Variants in LILRA4 observed in about 807,000 individuals in gnomAD.
The protein encoded by LILRA4 is leukocyte immunoglobulin-like receptor subfamily A member 4.
In LILRA4, 51 loss-of-function variants were observed where a neutral mutation model predicts 49.5. That is an observed-to-expected ratio of 1.03 (90% CI 0.82 to 1.30). LILRA4 has a LOEUF of 1.30. Ranked by LOEUF, LILRA4 falls within the 50% of genes most tolerant of loss-of-function variation. The probability of loss-of-function intolerance (pLI) is 0.00; values close to 1 mark genes in which losing one functional copy is unlikely to be tolerated. For missense variants in LILRA4, 624 were observed against 625.6 expected (o/e 1.00, Z 0.03); for synonymous variants, 272 against 265.6 (o/e 1.02, Z -0.23).
Position 54,336,699 on chromosome 19 carries a change from C to G in LILRA4, c.1255+142G>C. On this transcript the variant is annotated intron_variant, in intron 6 of 7. Transcript: ENST00000291759. ...GGCAGGGCCTGAGCTGAGAGAGGCT[C>G]AGGGCTCACAAAGGCCGGGGCTGAT... The G allele has an allele frequency of 2.3e-6, 3 of 1,293,328 alleles. No individual in the cohort carries two copies. The South Asian group carries it at 4.5e-5, about 19-fold the overall frequency. The allele number at this position is 1,293,328 out of a possible 1,614,324, so 80.1% of individuals were successfully genotyped here.
chr19:54,337,854 C>T (rs535224126), intron 4 of LILRA4, 82 bp downstream of exon 4: 32 of 1,484,748 alleles, frequency 2.2e-5, no homozygotes, highest in African/African-American at 1.4e-4. Flanking sequence ...TTTCTTCTTG[C>T]GTGGGCTAGC....
intron 5 of LILRA4, 121 bp downstream of exon 5, chr19:54,337,279 C>A: frequency 1.1e-5 from 15 of 1,425,326 alleles, no homozygotes; most frequent in Non-Finnish European, 1.4e-5. Context: ...TCCCCTGTCT[C>A]TGTCTGTCTC....
intron 6 of LILRA4, chr19:54,335,225 G>C (rs558966956): frequency 6.6e-6 from 1 of 152,248 alleles, no homozygotes; most frequent in African/African-American, 2.4e-5. Flanking sequence ...TGTTGGAGGA[G>C]AGGCCCAGTG....
In LILRA4 at chr19:54,338,196, AC is replaced by A; in HGVS notation, c.394del (p.Val132TrpfsTer2). On this transcript the variant is annotated frameshift_variant, in exon 4 of 8. Transcript: ENST00000291759. LOFTEE classifies it high-confidence loss of function. ...GGTCACGTTCACTCCTGAGGTCACC[AC>A]AGGGCTTGGCAGTGCGGACAGGGTG... Reference protein sequence around the residue: ...RPTLSALPSPVVTSGVNVTLR... With the variant: ...RPTLSALPSPXVTSGVNVTLR... 1 of 1,613,812 alleles carries A rather than the reference AC, an allele frequency of 6.2e-7. No individual in the cohort carries two copies.
rs750605218 is a variant in LILRA4 at position 54,336,906 on chromosome 19, C to T, written c.1190G>A (p.Gly397Asp). 1.9e-6 allele frequency: 3 copies of T among 1,614,232 alleles called. No individual in the cohort carries two copies. Among genetic ancestry groups the T allele is most frequent in the Non-Finnish European group, 2.5e-6 (3 of 1,180,038 alleles). The change falls in exon 6 of 8, where the codon GGC becomes GAC. Residue 397 changes from glycine (G) to aspartate (D), a missense_variant. By Grantham distance (94) the Gly-to-Asp change is moderately conservative (BLOSUM62 -1). Transcript: ENST00000291759. ...CAGGTAGGGGTTGGAGCTGCGTGAG[C>T]CGTAGCACCTGTAGGTCCCCGCGTG... ...SAHAGTYRCY[G>D]SRSSNPYLLS...
At position 54,338,317 on chromosome 19, in the gene LILRA4, G is replaced by A. The variant is rs2057282705; in HGVS notation, c.355+79C>T. The A allele has an allele frequency of 3.8e-6, 6 of 1,597,562 alleles. No individual in the cohort carries two copies. In the Admixed American group the frequency reaches 8.6e-5, roughly 23 times the overall value. On this transcript the variant is annotated intron_variant, in intron 3 of 7. Coordinates refer to ENST00000291759, the MANE Select transcript of LILRA4 (RefSeq NM_012276.5). ...TCCTACAAGGCTGGGCTGTGAGAAG[G>A]GAGACCCCTCGAGAGCTGAGAGCCG... is the stretch of plus-strand genomic sequence containing the variant.
intron 7 of LILRA4, 49 bp downstream of exon 7, chr19:54,333,866 C>T (rs1179572608): frequency 6.2e-7 from 1 of 1,611,360 alleles, no homozygotes; most frequent in Non-Finnish European, 8.5e-7. Flanking sequence ...CTTGACAGGA[C>T]CTGACCCTCT....
Position 54,337,104 on chromosome 19 carries a change from C to T in LILRA4, c.992G>A (p.Gly331Asp). The T allele has an allele frequency of 3.1e-6, 5 of 1,613,892 alleles. No homozygotes were observed. Among genetic ancestry groups the T allele is most frequent in the Non-Finnish European group, 4.2e-6 (5 of 1,179,882 alleles). The stretch of plus-strand genomic sequence containing the variant: ...CTTCTCTCCTGAGGTCACCGTGGGG[C>T]CCGGCTGCACTGAGAGGGAGGGTCT... ...SDRPSLSVQP[G>D]PTVTSGEKVT... Residue 331 changes from glycine (G) to aspartate (D), a missense_variant, in exon 6 of 8, where the codon GGC becomes GAC. Transcript: ENST00000291759.
chr19:54,338,661 G>A lies in LILRA4; in HGVS notation c.90C>T (p.Ile30=), dbSNP rs2081359193. 6.2e-7 allele frequency: 1 copy of A among 1,611,076 alleles called. No individual in the cohort carries two copies. The highest frequency in any genetic ancestry group is 1.1e-5 in the South Asian group (1 of 90,968). Residue 30 remains isoleucine, a synonymous_variant, in exon 3 of 8, where the codon ATC becomes ATT. Coordinates refer to ENST00000291759, the MANE Select transcript of LILRA4 (RefSeq NM_012276.5). The stretch of plus-strand genomic sequence containing the variant: ...TCACGGGACCTGGCTCGGCCCACAG[G>A]ATGGGTTTGAGTAGGTTTTCTGGAA... ...RVQAENLLKP[I]LWAEPGPVIT...
chr19:54,333,263 T>G lies in LILRA4; in HGVS notation c.*309A>C. 1 of 429,510 alleles carries G rather than the reference T, an allele frequency of 2.3e-6. No individual in the cohort carries two copies. The allele number at this position is 429,510 out of a possible 1,614,324, so 26.6% of individuals were successfully genotyped here. On this transcript the variant is annotated 3_prime_UTR_variant, in exon 8 of 8. Coordinates refer to ENST00000291759, the MANE Select transcript of LILRA4 (RefSeq NM_012276.5). ...AAGAGATAGTCCCAGTAATACACATTAGAAAATGCAGTAGTTAGAAATAAA... is the reference window on the plus strand; with the variant it reads ...AAGAGATAGTCCCAGTAATACACATGAGAAAATGCAGTAGTTAGAAATAAA...
rs1339716024 is a variant in LILRA4, at chr19:54,333,665, G to A, written c.1407C>T (p.His469=). Residue 469 remains histidine, a synonymous_variant, in exon 8 of 8, where the codon CAC becomes CAT. Coordinates refer to ENST00000291759, the MANE Select transcript of LILRA4 (RefSeq NM_012276.5). ...TGCACCTTGGGGGGCTTCTCTGGCT[G>A]TGCTGAGCCTCAAATAACAGAATCC... ...FLGILLFEAQ[H]SQRSPPRCSQ... is the part of the protein sequence containing the mutation. 1.2e-5 allele frequency: 20 copies of A among 1,614,040 alleles called. 1 individual carries two copies. The highest frequency in any genetic ancestry group is 1.7e-5 in the Non-Finnish European group (20 of 1,180,028).
rs1190591563 is a variant in LILRA4 at position 54,338,404 on chromosome 19, A to G, written c.347T>C (p.Val116Ala). The change falls in exon 3 of 8, where the codon GTG becomes GCG. Residue 116 changes from valine to alanine, a missense_variant. By Grantham distance (64) the Val-to-Ala change is moderately conservative. Transcript: ENST00000291759. ...CCTGAGTGTCCTCTCACCTGTCACC[A>G]CCAGCTCCAGGGGGTCGCTGGGCTC... ...WSEPSDPLEL[V>A]VTAYSRPTLS... 6.2e-7 allele frequency: 1 copy of G among 1,613,900 alleles called. No homozygotes were observed. Among genetic ancestry groups the G allele is most frequent in the East Asian group, 2.2e-5 (1 of 44,866 alleles).
At position 54,333,507 on chromosome 19, in the gene LILRA4, C is replaced by T; in HGVS notation, c.*65G>A. Reference sequence around the variant, plus strand: ...CCTGCACCTGACCCATGCTTCTTCCCCTTGATATTCTCAGCAGACACTTCC... The same window carrying T: ...CCTGCACCTGACCCATGCTTCTTCCTCTTGATATTCTCAGCAGACACTTCC... On this transcript the variant is annotated 3_prime_UTR_variant, in exon 8 of 8. Transcript: ENST00000291759. 6.6e-7 allele frequency: 1 copy of T among 1,511,020 alleles called. No individual in the cohort carries two copies. 93.6% of individuals were successfully genotyped at this position (1,511,020 alleles called of 1,614,324 possible). A position where few individuals can be genotyped will look rare whatever the true frequency, so the allele number is the denominator to read the frequency against.
At chr19:54,336,755 G>A (rs2081327047) in intron 6 of LILRA4, 86 bp downstream of exon 6, 1 of 1,529,780 alleles carries the variant, frequency 6.5e-7, no homozygotes, top group South Asian at 1.2e-5. Context: ...AAGTGAGACA[G>A]ACAGACGGAC....
intron 6 of LILRA4, 102 bp downstream of exon 6, chr19:54,336,739 G>C (rs1326210681): frequency 6.0e-6 from 9 of 1,491,528 alleles, no homozygotes; most frequent in Non-Finnish European, 8.1e-6. Flanking sequence ...GAAGAAGTGG[G>C]GCAGCAAGTG....
chr19:54,339,087 G>T lies in LILRA4; in HGVS notation c.7C>A (p.Leu3Ile). 6.2e-7 allele frequency: 1 copy of T among 1,614,194 alleles called. No homozygotes were observed. ...AAGAAGAGCAGGCTTGTGAGAATGA[G>T]GGTCATGGCATCTCCTCCTCCTGGC... The part of the protein sequence containing the change: MT[L>I]ILTSLLFFGL... The change falls in exon 1 of 8, where the codon CTC (leucine) becomes ATC (isoleucine). Residue 3 changes from leucine (L) to isoleucine (I), a missense_variant. Transcript: ENST00000291759.
rs1169918074 is a variant in LILRA4, at chr19:54,337,593, G to A, written c.759C>T (p.Tyr253=). ...CATCGGCCCCCTCCTTGTACAGAGT[G>A]TATCTGATGTAGCCGACATCAGAGC... ...QCGSDVGYIR[Y]TLYKEGADGL... The change falls in exon 5 of 8, where the codon TAC becomes TAT. Residue 253 remains tyrosine, a synonymous_variant. Transcript: ENST00000291759. 1 of 1,613,318 alleles carries A rather than the reference G, an allele frequency of 6.2e-7. No homozygotes were observed.
rs750328320 is a variant in LILRA4 at position 54,338,475 on chromosome 19, A to G, written c.276T>C (p.His92=). The G allele has an allele frequency of 1.3e-5, 21 of 1,614,154 alleles. No homozygotes were observed. In the South Asian group the frequency reaches 1.8e-4, roughly 14 times the overall value. Reference sequence around the variant, plus strand: ...GATAGTAACAGTGATATCGCCCTGCATGTTCCCACATCATGGATGGGATGG... The same window carrying G: ...GATAGTAACAGTGATATCGCCCTGCGTGTTCCCACATCATGGATGGGATGG... ...KLSIPSMMWE[H]AGRYHCYYQS... Residue 92 remains histidine (H), a synonymous_variant, in exon 3 of 8, where the codon CAT becomes CAC. Transcript: ENST00000291759.
Position 54,333,912 on chromosome 19 carries a change from C to G in LILRA4, c.1306+3G>C, listed in dbSNP as rs778924694. The G allele has an allele frequency of 6.2e-7, 1 of 1,613,858 alleles. No homozygotes were observed. The highest frequency in any genetic ancestry group is 1.7e-4 in the Middle Eastern group (1 of 6,058). ...CCATAACTGGGAGAATCTCCTCACT[C>G]ACCAGTCTTGGAATCTGACTTCTTT... On this transcript the variant is annotated splice_donor_region_variant and intron_variant, in intron 7 of 7. Coordinates refer to ENST00000291759, the MANE Select transcript of LILRA4 (RefSeq NM_012276.5).
Sources: allele counts gnomAD v4.1 joint callset, GRCh38; gene constraint gnomAD v4.1.1; transcripts MANE v1.5; gene names NCBI Gene and HGNC (gene_info 2026-07-23, HGNC 2026-07-21).